The following GMPS variants were observed in gnomAD, a reference collection of about 807,000 sequenced individuals.
The protein encoded by GMPS is guanosine monophosphate synthase, also known as GMP synthase [glutamine-hydrolyzing].
Under a neutral mutation model 77.9 loss-of-function variants are expected in GMPS, and 15 were observed. That is an observed-to-expected ratio of 0.19 (90% CI 0.13 to 0.30). GMPS has a LOEUF of 0.30. Ranked by LOEUF, GMPS falls within the 10% of genes least tolerant of loss-of-function variation. The pLI is 1.00. For missense variants in GMPS, 590 were observed against 838.8 expected (o/e 0.70, Z 3.66); for synonymous variants, 224 against 275.9 (o/e 0.81, Z 1.86).
At chr3:155,898,181 A>G (rs1754647734) in intron 3 of GMPS, 140 bp downstream of exon 3, 3 of 652,148 alleles carry the variant, frequency 4.6e-6, no homozygotes, top group South Asian at 3.6e-5. Context: ...AACTATGTGA[A>G]TTGCCACACT....
Position 155,936,476 on chromosome 3 carries a change from T to C in GMPS, c.1946T>C (p.Ile649Thr). The change falls in exon 15 of 16, where the codon ATA becomes ACA. Residue 649 changes from isoleucine (I) to threonine (T), a missense_variant. By Grantham distance (89) the Ile-to-Thr change is moderately conservative (BLOSUM62 -1). Coordinates refer to ENST00000496455, the MANE Select transcript of GMPS (RefSeq NM_003875.3). ...TFITSDFMTG[I>T]PATPGNEIPV... is the part of the protein sequence containing the mutation. ...ATTACTAGTGACTTCATGACTGGTA[T>C]ACCTGCAACACCTGGCAATGAGATC... The C allele has an allele frequency of 8.1e-6, 13 of 1,607,190 alleles. No individual in the cohort carries two copies. The highest frequency in any genetic ancestry group is 1.1e-5 in the Non-Finnish European group (13 of 1,173,684).
intron 11 of GMPS, among the ~76,000 whole-genome samples, chr3:155,924,875 A>C (rs1755410268): frequency 6.6e-6 from 1 of 151,836 alleles, no homozygotes; most frequent in Non-Finnish European, 1.5e-5. Flanking sequence ...GAATGGAAAA[A>C]CATATACCAG....
At chr3:155,932,277 AACACACACACACACACAC>A (rs10548751) in intron 13 of GMPS, among the ~76,000 whole-genome samples, 1 of 141,148 alleles carries the variant, frequency 7.1e-6, no homozygotes, top group African/African-American at 2.6e-5. Flanking sequence ...CAAATAAAGT[AACACACACACACACACAC>A]ACACACACAC....
rs1755830294 is a variant in GMPS, at chr3:155,939,106, C to A, written c.*1414C>A. 1 of 217,718 alleles carries A rather than the reference C, an allele frequency of 4.6e-6. No homozygotes were observed. The highest frequency in any genetic ancestry group is 9.2e-6 in the Non-Finnish European group (1 of 108,366). The allele number at this position is 217,718 out of a possible 1,614,324, so 13.5% of individuals were successfully genotyped here. A position where few individuals can be genotyped will look rare whatever the true frequency, so the allele number is the denominator to read the frequency against. ...AGGGAACAAGAAAACTGCTGCTGGA[C>A]CAGCAAGGGAAGAGTTTCTGTCTGT... On this transcript the variant is annotated 3_prime_UTR_variant, in exon 16 of 16. Transcript: ENST00000496455.
intron 2 of GMPS, among the ~76,000 whole-genome samples, chr3:155,894,421 A>G (rs550282260): frequency 6.6e-6 from 1 of 152,044 alleles, no homozygotes; most frequent in South Asian, 2.1e-4. Context: ...AACGGGTTTC[A>G]CCATGTTGTC....
intron 11 of GMPS, among the ~76,000 whole-genome samples, chr3:155,924,125 C>T (rs575850411): frequency 1.3e-5 from 2 of 152,140 alleles, no homozygotes; most frequent in Non-Finnish European, 2.9e-5. Context: ...GGTGATCACC[C>T]GCCTCGGCCT....
chr3:155,884,844 T>G (rs965263364), intron 1 of GMPS, among the ~76,000 whole-genome samples: 28 of 152,234 alleles, frequency 1.8e-4, no homozygotes, highest in African/African-American at 5.8e-4. Flanking sequence ...AAGTTGAAGC[T>G]AAATTGCTTT....
intron 11 of GMPS, among the ~76,000 whole-genome samples, chr3:155,924,328 T>A (rs1258983082): frequency 6.6e-6 from 1 of 152,252 alleles, no homozygotes; most frequent in Non-Finnish European, 1.5e-5. Flanking sequence ...TAAAAATGAT[T>A]ATAAAATCGA....
At position 155,938,856 on chromosome 3, in the gene GMPS, A is replaced by C. The variant is rs925956055; in HGVS notation, c.*1164A>C. 8 of 213,310 alleles carry C rather than the reference A, an allele frequency of 3.8e-5. No homozygotes were observed. The Admixed American group carries it at 4.7e-4, about 13-fold the overall frequency. 13.2% of individuals were successfully genotyped at this position (213,310 alleles called of 1,614,324 possible). On this transcript the variant is annotated 3_prime_UTR_variant, in exon 16 of 16. Transcript: ENST00000496455. ...AACAGATCTTTTATAACATTCACATAAGTACTGTAGACAGTAGTAGACTTA... is the reference window on the plus strand; with the variant it reads ...AACAGATCTTTTATAACATTCACATCAGTACTGTAGACAGTAGTAGACTTA...
chr3:155,903,948 G>T lies in GMPS; in HGVS notation c.410G>T (p.Cys137Phe). 7.1e-7 allele frequency: 1 copy of T among 1,401,602 alleles called. No individual in the cohort carries two copies. The highest frequency in any genetic ancestry group is 1.3e-5 in the South Asian group (1 of 77,324). 86.8% of individuals were successfully genotyped at this position (1,401,602 alleles called of 1,614,324 possible). ...GVFNISVDNTCSLFRGLQKEE... is the reference protein window; with the variant it reads ...GVFNISVDNTFSLFRGLQKEE... ...TTCAACATTAGTGTGGATAATACAT[G>T]TTCATTATTCAGGTATTACATTTTT... is the stretch of plus-strand genomic sequence containing the variant. Residue 137 changes from cysteine (C) to phenylalanine (F), a missense_variant, in exon 4 of 16, where the codon TGT (cysteine) becomes TTT (phenylalanine). By Grantham distance (205) the Cys-to-Phe change is radical (BLOSUM62 -2). Around this residue, in one of 6 missense-constraint regions of GMPS, gnomAD observed 136 missense variants for 225.6 expected, o/e 0.60. Coordinates refer to ENST00000496455, the MANE Select transcript of GMPS (RefSeq NM_003875.3).
At chr3:155,890,452 A>C (rs745450922) in intron 1 of GMPS, among the ~76,000 whole-genome samples, 1 of 152,202 alleles carries the variant, frequency 6.6e-6, no homozygotes, top group African/African-American at 2.4e-5. Flanking sequence ...AACTTTTGTC[A>C]ATTACAAAAG....
chr3:155,891,876 G>A (rs1244033493), intron 1 of GMPS, among the ~76,000 whole-genome samples: 1 of 152,042 alleles, frequency 6.6e-6, no homozygotes, highest in Non-Finnish European at 1.5e-5. Context: ...AAAGTGCTGC[G>A]ATTACAGCTG....
At chr3:155,936,539 G>T (rs375200364) in intron 15 of GMPS, 29 bp downstream of exon 15, 80 of 1,290,510 alleles carry the variant, frequency 6.2e-5, no homozygotes, top group Non-Finnish European at 8.7e-5. Flanking sequence ...TCTAATGCAC[G>T]TTCTCAGTAC....
chr3:155,903,537 A>G (rs1754784616), intron 3 of GMPS, among the ~76,000 whole-genome samples: 2 of 152,300 alleles, frequency 1.3e-5, no homozygotes, highest in Non-Finnish European at 2.9e-5. Context: ...TTTAAATCAA[A>G]CTCAGGTGTA....
chr3:155,873,154 C>G, intron 1 of GMPS, among the ~76,000 whole-genome samples: 1 of 152,060 alleles, frequency 6.6e-6, no homozygotes, highest in East Asian at 1.9e-4. Context: ...ATTCCTGTTT[C>G]TGGTACATTT....
intron 2 of GMPS, among the ~76,000 whole-genome samples, chr3:155,896,751 T>TTTTTTTA (rs369655100): frequency 4.0e-5 from 5 of 126,000 alleles, no homozygotes; most frequent in Admixed American, 1.7e-4. Context: ...TTTTTTTTTT[T>TTTTTTTA]TATAAATTTG....
intron 4 of GMPS, 114 bp from the exon 5 acceptor site, chr3:155,906,042 CTTTT>C (rs67122310): frequency 9.0e-6 from 4 of 446,226 alleles, no homozygotes; most frequent in Middle Eastern, 3.8e-4. Context: ...TCCATTGTCA[CTTTT>C]TTTTTTTCTG....
chr3:155,905,752 C>G (rs1754865059), intron 4 of GMPS, among the ~76,000 whole-genome samples: 1 of 152,140 alleles, frequency 6.6e-6, no homozygotes, highest in African/African-American at 2.4e-5. Context: ...ATAACAGTTT[C>G]AGTACTAAGT....
chr3:155,873,408 G>A (rs2108041754), intron 1 of GMPS, among the ~76,000 whole-genome samples: 1 of 151,370 alleles, frequency 6.6e-6, no homozygotes, highest in Non-Finnish European at 1.5e-5. Flanking sequence ...GGAAGTACAG[G>A]CGTGGATCAC....
Sources: allele counts gnomAD v4.1 joint callset (sites outside exome capture counted in the v4.1 genomes callset), GRCh38; gene constraint gnomAD v4.1.1; regional missense constraint gnomAD v4.1.1; transcripts MANE v1.5; gene names NCBI Gene and HGNC (gene_info 2026-07-23, HGNC 2026-07-21).